The following EYA1 variants were observed in gnomAD, a reference collection of about 807,000 sequenced individuals.
EYA1 encodes the protein protein phosphatase EYA1.
EYA1 carries 16 observed loss-of-function variants against 82.0 expected under a neutral mutation model. That is an observed-to-expected ratio of 0.20 (90% CI 0.13 to 0.30). The LOEUF (loss-of-function observed/expected upper bound fraction) is 0.30. EYA1 is among the 10% of genes least tolerant of loss of function. The pLI is 1.00. For synonymous variants in EYA1, 261 were observed against 264.4 expected (o/e 0.99, Z 0.12); for missense variants, 633 against 730.7 (o/e 0.87, Z 1.54).
At chr8:71,540,964 C>G (rs1046999696) in intron 1 of EYA1, among the ~76,000 whole-genome samples, 1 of 152,142 alleles carries the variant, frequency 6.6e-6, no homozygotes, top group Admixed American at 6.5e-5. Context: ...AGAAAATTTA[C>G]AAACAGAAGC....
At chr8:71,366,479 G>A (rs967002299), upstream of EYA1, among the ~76,000 whole-genome samples, 20 of 152,042 alleles carry the variant, frequency 1.3e-4, no homozygotes, top group South Asian at 8.3e-4. Context: ...TTGTTTCTTC[G>A]CCAAGATTTT....
intron 2 of EYA1, among the ~76,000 whole-genome samples, chr8:71,452,514 C>T (rs915848239): frequency 4.6e-5 from 7 of 152,156 alleles, no homozygotes; most frequent in African/African-American, 2.4e-5. Context: ...CTGGGAGGCA[C>T]CCCCCAGTAG....
chr8:71,453,518 A>T (rs1451228506), intron 2 of EYA1, among the ~76,000 whole-genome samples: 1 of 152,176 alleles, frequency 6.6e-6, no homozygotes, highest in Non-Finnish European at 1.5e-5. Context: ...GGCAGGCAGA[A>T]AGAAAGGTAG....
intron 2 of EYA1, among the ~76,000 whole-genome samples, chr8:71,375,140 A>G (rs1453843202): frequency 6.6e-6 from 1 of 152,152 alleles, no homozygotes; most frequent in Non-Finnish European, 1.5e-5. Flanking sequence ...TACATTTTAG[A>G]TACTCTACTA....
At chr8:71,314,151 TA>T (rs1821649354) in intron 7 of EYA1, among the ~76,000 whole-genome samples, 1 of 152,156 alleles carries the variant, frequency 6.6e-6, no homozygotes, top group South Asian at 2.1e-4. Flanking sequence ...CATTAAGGAT[TA>T]AAAGAACTGA....
chr8:71,350,756 C>T (rs1226726642), intron 3 of EYA1, among the ~76,000 whole-genome samples: 1 of 152,098 alleles, frequency 6.6e-6, no homozygotes, highest in Non-Finnish European at 1.5e-5. Context: ...ACTCCTTACT[C>T]CAAGACAACC....
intron 9 of EYA1, among the ~76,000 whole-genome samples, chr8:71,290,803 A>AAAAAG (rs143476259): frequency 6.6e-6 from 1 of 151,280 alleles, no homozygotes; most frequent in Non-Finnish European, 1.5e-5. Flanking sequence ...CCTCTGGGAA[A>AAAAAG]AAAGAAAGAA....
chr8:71,322,507 G>A (rs907238008), intron 4 of EYA1: 13 of 521,222 alleles, frequency 2.5e-5, no homozygotes, highest in African/African-American at 7.7e-5. Flanking sequence ...CTTAGAAAAC[G>A]TCATCACAAT....
intron 2 of EYA1, among the ~76,000 whole-genome samples, chr8:71,434,526 C>T (rs897101226): frequency 2.0e-5 from 3 of 152,104 alleles, no homozygotes; most frequent in Non-Finnish European, 4.4e-5. Context: ...AAATAACAGA[C>T]TTCTTGTAAA....
Position 71,334,252 on chromosome 8 carries a change from A to C in EYA1, c.125-78T>G, listed in dbSNP as rs559981576. Reference sequence around the variant, plus strand: ...ACATGGAAGAGAAGATATAACATTCAGAGTAATGACAAGAAAATCATTTCA... The same window carrying C: ...ACATGGAAGAGAAGATATAACATTCCGAGTAATGACAAGAAAATCATTTCA... On this transcript the variant is annotated intron_variant, in intron 3 of 17. Transcript: ENST00000340726. 42 of 1,089,958 alleles carry C rather than the reference A, an allele frequency of 3.9e-5. No homozygotes were observed. In the African/African-American group the frequency reaches 6.3e-4, roughly 16 times the overall value. The allele number at this position is 1,089,958 out of a possible 1,614,324, so 67.5% of individuals were successfully genotyped here. A position where few individuals can be genotyped will look rare whatever the true frequency, so the allele number is the denominator to read the frequency against.
At chr8:71,235,334 G>A (rs545823042) in intron 12 of EYA1, among the ~76,000 whole-genome samples, 1 of 152,106 alleles carries the variant, frequency 6.6e-6, no homozygotes, top group African/African-American at 2.4e-5. Flanking sequence ...GGACCCTGCC[G>A]CTCTTCCCTA....
intron 9 of EYA1, among the ~76,000 whole-genome samples, chr8:71,294,490 T>C (rs891118923): frequency 6.6e-6 from 1 of 151,956 alleles, no homozygotes; most frequent in African/African-American, 2.4e-5. Flanking sequence ...CACACCATTA[T>C]TTCCATCAAT....
chr8:71,461,767 G>A (rs866533587), intron 2 of EYA1, among the ~76,000 whole-genome samples: 4 of 152,106 alleles, frequency 2.6e-5, no homozygotes, highest in Middle Eastern at 3.2e-3. Context: ...ATCCTGAGGG[G>A]GTAGCTCTAT....
chr8:71,308,604 C>A (rs971595726), intron 7 of EYA1, among the ~76,000 whole-genome samples: 1 of 151,858 alleles, frequency 6.6e-6, no homozygotes, highest in South Asian at 2.1e-4. Flanking sequence ...TAGTTAAGAA[C>A]ACAGCCTATG....
chr8:71,438,156 C>G (rs547519275), intron 2 of EYA1, among the ~76,000 whole-genome samples: 74 of 151,996 alleles, frequency 4.9e-4, no homozygotes, highest in Non-Finnish European at 9.6e-4. Flanking sequence ...TTAATTCTCA[C>G]CCAAAAACAA....
At chr8:71,301,913 G>GT (rs138671964) in intron 7 of EYA1, among the ~76,000 whole-genome samples, 2,953 of 147,458 alleles carry the variant, frequency 0.02, 90 homozygotes, top group African/African-American at 0.068. Context: ...ACCAGTTTTT[G>GT]TTTTTTTTTT....
At chr8:71,257,064 CA>C (rs1814526160) in intron 11 of EYA1, among the ~76,000 whole-genome samples, 1 of 151,800 alleles carries the variant, frequency 6.6e-6, no homozygotes, top group African/African-American at 2.4e-5. Context: ...AATGATATTA[CA>C]GAATTATTTT....
At chr8:71,505,242 C>T (rs961926913) in intron 2 of EYA1, among the ~76,000 whole-genome samples, 4 of 152,160 alleles carry the variant, frequency 2.6e-5, no homozygotes, top group Non-Finnish European at 5.9e-5. Flanking sequence ...ATCCTGGCAG[C>T]ACATCAGAAT....
intron 9 of EYA1, among the ~76,000 whole-genome samples, chr8:71,282,111 G>A (rs974394734): frequency 7.9e-5 from 12 of 152,142 alleles, no homozygotes; most frequent in South Asian, 4.1e-4. Flanking sequence ...CTCCCCACCC[G>A]TAAGTACTCT....
Sources: gnomAD v4.1 joint callset for allele counts (sites outside exome capture counted in the v4.1 genomes callset) on GRCh38, gnomAD v4.1.1 for gene constraint, MANE v1.5 for transcripts, NCBI Gene and HGNC (gene_info 2026-07-23, HGNC 2026-07-21) for gene names.